The following KIAA0753 variants were observed in gnomAD, a reference collection of about 807,000 sequenced individuals.
KIAA0753 encodes protein moonraker.
KIAA0753 carries 114 observed loss-of-function variants against 116.9 expected under a neutral mutation model. The observed-to-expected ratio is 0.98, with a 90% CI of 0.84 to 1.14. KIAA0753 has a LOEUF of 1.14. Among genes scored for constraint, KIAA0753 ranks in the 50% most tolerant of loss-of-function variants. KIAA0753 has a pLI of 0.00. For missense variants in KIAA0753, 1,156 were observed against 1,172.4 expected (o/e 0.99, Z 0.20); for synonymous variants, 405 against 413.1 (o/e 0.98, Z 0.24).
In KIAA0753 at chr17:6,611,965, T is replaced by A; in HGVS notation, c.1499A>T (p.Asn500Ile). 6.2e-7 allele frequency: 1 copy of A among 1,614,190 alleles called. No homozygotes were observed. Among genetic ancestry groups the A allele is most frequent in the Non-Finnish European group, 8.5e-7 (1 of 1,180,036 alleles). Reference protein sequence around the residue: ...KAGKKKPVTENVPFRKKDTLA... With the variant: ...KAGKKKPVTEIVPFRKKDTLA... ...AGTATCTTTCTTCCTAAACGGCACA[T>A]TCTCAGTCACAGGCTTCTTTTTCCC... Residue 500 changes from asparagine to isoleucine, a missense_variant, in exon 8 of 19, where the codon AAT becomes ATT. By Grantham distance (149) the Asn-to-Ile change is moderately radical. Coordinates refer to ENST00000361413, the MANE Select transcript of KIAA0753 (RefSeq NM_014804.3).
In KIAA0753 at chr17:6,628,698, T is replaced by C; in HGVS notation, c.137A>G (p.Asn46Ser). ...FNRNVPTHSS[N>S]LAIRYSCPHA... ...TGGGCAAGAATATCGGATCGCCAAG[T>C]TGCTTGAATGTGTAGGAACATTCCT... Residue 46 changes from asparagine (N) to serine (S), a missense_variant, in exon 3 of 19, where the codon AAC becomes AGC. Transcript: ENST00000361413. The C allele has an allele frequency of 6.2e-7, 1 of 1,613,396 alleles. No homozygotes were observed. Among genetic ancestry groups the C allele is most frequent in the Non-Finnish European group, 8.5e-7 (1 of 1,179,720 alleles).
Position 6,608,457 on chromosome 17 carries a change from A to G in KIAA0753, c.1720T>C (p.Trp574Arg). 6.5e-7 allele frequency: 1 copy of G among 1,532,076 alleles called. No homozygotes were observed. Among genetic ancestry groups the G allele is most frequent in the South Asian group, 1.2e-5 (1 of 80,894 alleles). 94.9% of individuals were successfully genotyped at this position (1,532,076 alleles called of 1,614,324 possible). Residue 574 changes from tryptophan (W) to arginine (R), a missense_variant, in exon 10 of 19, where the codon TGG becomes CGG. Transcript: ENST00000361413. ...SPPASPKCAA[W>R]LKVKTSPRDA... ...CTGGGGCTAGTTTTCACCTTTAGCC[A>G]TGCAGCACTGAAATAAATGGAAAAG...
In KIAA0753 at chr17:6,595,713, G is replaced by A. The variant is rs1041801309; in HGVS notation, c.2358+445C>T. Among the ~76,000 whole-genome samples, 4 of 152,280 alleles carry A rather than the reference G, an allele frequency of 2.6e-5. No individual in the cohort carries two copies. In the South Asian group the frequency reaches 6.2e-4, roughly 24 times the overall value. On this transcript the variant is annotated intron_variant, in intron 15 of 18. Transcript: ENST00000361413. ...GAATAATCCAGGGGTTAGGCTGGGT[G>A]AAGCAGTATCACAGAAATTGAAGAA...
chr17:6,628,756 T>C lies in KIAA0753; in HGVS notation c.94-15A>G, dbSNP rs772819877. ...TGCAGCTGGTTCTTTAAAAAGCAAA[T>C]AAAAGTAAGCAGACATCAGAAAAAT... On this transcript the variant is annotated splice_polypyrimidine_tract_variant and intron_variant, in intron 2 of 18. Transcript: ENST00000361413. 1 of 1,569,784 alleles carries C rather than the reference T, an allele frequency of 6.4e-7. No homozygotes were observed. Among genetic ancestry groups the C allele is most frequent in the Admixed American group, 1.9e-5 (1 of 52,266 alleles).
chr17:6,595,872 C>G lies in KIAA0753; in HGVS notation c.2358+286G>C, dbSNP rs192516841. On this transcript the variant is annotated intron_variant, in intron 15 of 18. Coordinates refer to ENST00000361413, the MANE Select transcript of KIAA0753 (RefSeq NM_014804.3). ...GCCCAGGCCCTGGTCTCAGGGTCTT[C>G]GGAATTACACATCAGTGATATCGGG... Among the ~76,000 whole-genome samples the G allele has an allele frequency of 9.2e-5, 14 of 152,300 alleles. No homozygotes were observed. The East Asian group carries it at 2.5e-3, about 27-fold the overall frequency.
At chr17:6,620,136 G>T (rs1212594409) in intron 7 of KIAA0753, among the ~76,000 whole-genome samples, 1 of 152,172 alleles carries the variant, frequency 6.6e-6, no homozygotes, top group Non-Finnish European at 1.5e-5. Flanking sequence ...ATATGGCTAA[G>T]GAGCATGTGA....
At chr17:6,610,570 G>C (rs1170801283) in intron 8 of KIAA0753, among the ~76,000 whole-genome samples, 3 of 133,110 alleles carry the variant, frequency 2.3e-5, no homozygotes, top group Non-Finnish European at 4.6e-5. Context: ...GCCTAGGCTG[G>C]AGTGCAGAGG....
At chr17:6,618,112 A>T (rs956263181) in intron 7 of KIAA0753, among the ~76,000 whole-genome samples, 11 of 152,102 alleles carry the variant, frequency 7.2e-5, no homozygotes, top group Admixed American at 7.2e-4. Flanking sequence ...CAAAAAAAGA[A>T]AAAAAGAAAA....
chr17:6,597,587 T>C (rs1037041164), intron 14 of KIAA0753, among the ~76,000 whole-genome samples: 4 of 152,250 alleles, frequency 2.6e-5, no homozygotes, highest in South Asian at 4.1e-4. Flanking sequence ...GCCATGTGTA[T>C]GTATAACTTT....
chr17:6,579,637 C>T lies in KIAA0753; in HGVS notation c.*110G>A, dbSNP rs1967993398. 2.6e-6 allele frequency: 2 copies of T among 755,064 alleles called. No homozygotes were observed. Among genetic ancestry groups the T allele is most frequent in the Non-Finnish European group, 4.6e-6 (2 of 432,568 alleles). 46.8% of individuals were successfully genotyped at this position (755,064 alleles called of 1,614,324 possible). A position where few individuals can be genotyped will look rare whatever the true frequency, so the allele number is the denominator to read the frequency against. On this transcript the variant is annotated 3_prime_UTR_variant, in exon 19 of 19. Coordinates refer to ENST00000361413, the MANE Select transcript of KIAA0753 (RefSeq NM_014804.3). ...CTGCCTTCCTTTCAGTGGGCAGCAC[C>T]TTCTGGGCCTGGATGGACAGCTGAG...
At position 6,628,663 on chromosome 17, in the gene KIAA0753, T is replaced by A; in HGVS notation, c.172A>T (p.Arg58Ter). The A allele has an allele frequency of 6.2e-7, 1 of 1,614,160 alleles. No individual in the cohort carries two copies. Among genetic ancestry groups the A allele is most frequent in the South Asian group, 1.1e-5 (1 of 91,062 alleles). The change falls in exon 3 of 19, where the codon AGA (arginine) becomes TGA (stop). Residue 58 changes from arginine (R) to a stop codon, truncating the protein, a stop_gained. Coordinates refer to ENST00000361413, the MANE Select transcript of KIAA0753 (RefSeq NM_014804.3). LOFTEE classifies it high-confidence loss of function. The stretch of plus-strand genomic sequence containing the variant: ...TATGAGTGCTTCAGTTTTTCAATTC[T>A]AATGGCATGTGGGCAAGAATATCGG... Reference protein sequence around the residue: ...AIRYSCPHAIRIEKLKHSYNE... With the variant: ...AIRYSCPHAI
At chr17:6,591,051 AAGAAGAAGAAG>A (rs1968995447) in intron 16 of KIAA0753, among the ~76,000 whole-genome samples, 2 of 47,160 alleles carry the variant, frequency 4.2e-5, no homozygotes, top group Admixed American at 4.2e-4. Flanking sequence ...GAAGAAGAAG[AAGAAGAAGAAG>A]AAGAAGAAGA....
At chr17:6,590,119 A>C in intron 17 of KIAA0753, 116 bp from the exon 18 acceptor site, 1 of 870,352 alleles carries the variant, frequency 1.1e-6, no homozygotes, top group South Asian at 1.9e-5. Flanking sequence ...TCTTTCTCAC[A>C]ATGAACAAAA....
chr17:6,628,031 T>C (rs1016153655), intron 3 of KIAA0753, 86 bp downstream of exon 3: 54 of 1,262,730 alleles, frequency 4.3e-5, no homozygotes, highest in Non-Finnish European at 5.5e-5. Context: ...GAAATTGCTA[T>C]AGGGGTTGAG....
intron 15 of KIAA0753, among the ~76,000 whole-genome samples, chr17:6,595,502 A>T (rs1200385192): frequency 2.6e-5 from 4 of 152,118 alleles, no homozygotes; most frequent in African/African-American, 9.7e-5. Context: ...AAAAAAAAAA[A>T]TTGTTTTCCT....
chr17:6,632,223 T>C (rs1972059318), intron 2 of KIAA0753, among the ~76,000 whole-genome samples: 1 of 152,226 alleles, frequency 6.6e-6, no homozygotes, highest in East Asian at 1.9e-4. Flanking sequence ...TTTTACACCA[T>C]AAAGTGGTCA....
At chr17:6,640,321 C>T (rs1972589393) in intron 1 of KIAA0753, 1 of 152,928 alleles carries the variant, frequency 6.5e-6, no homozygotes, top group Admixed American at 6.5e-5. Flanking sequence ...GCTCATAGCT[C>T]CAGGGCAGTT....
chr17:6,605,519 C>T (rs1034146864), intron 12 of KIAA0753, among the ~76,000 whole-genome samples: 5 of 152,210 alleles, frequency 3.3e-5, no homozygotes, highest in African/African-American at 1.2e-4. Context: ...CTCTGTTCAA[C>T]CTGTCTTCCC....
intron 18 of KIAA0753, among the ~76,000 whole-genome samples, chr17:6,589,128 G>A (rs75746328): frequency 0.021 from 3,268 of 152,228 alleles, 108 homozygotes; most frequent in African/African-American, 0.073. Context: ...CCCCATATTC[G>A]TATGTTGAAG....
Sources: allele counts gnomAD v4.1 joint callset (sites outside exome capture counted in the v4.1 genomes callset), GRCh38; gene constraint gnomAD v4.1.1; transcripts MANE v1.5; gene names NCBI Gene and HGNC (gene_info 2026-07-23, HGNC 2026-07-21).